The following GMPR variants were observed in gnomAD, a reference collection of about 807,000 sequenced individuals.
GMPR encodes the protein guanosine monophosphate reductase.
A neutral mutation model predicts 38.4 loss-of-function variants in GMPR; 31 were observed. The observed-to-expected ratio is 0.81, with a 90% CI of 0.61 to 1.09. The LOEUF (loss-of-function observed/expected upper bound fraction) is 1.09, where lower values mean the gene tolerates loss of function less well. Ranked by LOEUF, GMPR falls within the 50% of genes least tolerant of loss-of-function variation. The pLI is 0.00. For synonymous variants in GMPR, 162 were observed against 173.3 expected (o/e 0.93, Z 0.51); for missense variants, 468 against 453.7 (o/e 1.03, Z -0.29).
chr6:16,262,502 G>A (rs1392031214), intron 4 of GMPR: 4 of 152,024 alleles, frequency 2.6e-5, no homozygotes, highest in Admixed American at 6.6e-5. Context: ...TGGCTGCTGC[G>A]GTTCAGGCGT....
chr6:16,252,040 T>C (rs552321634), intron 3 of GMPR, among the ~76,000 whole-genome samples: 5 of 152,330 alleles, frequency 3.3e-5, no homozygotes, highest in African/African-American at 1.2e-4. Flanking sequence ...ACTGGCTTTT[T>C]GGGGTTGTCG....
At chr6:16,258,919 G>A (rs997792873) in intron 4 of GMPR, among the ~76,000 whole-genome samples, 26 of 152,310 alleles carry the variant, frequency 1.7e-4, no homozygotes, top group African/African-American at 6.3e-4. Flanking sequence ...AACGTTCCAG[G>A]AAGAAGCTGG....
At chr6:16,272,225 A>G (rs991145660) in intron 4 of GMPR, among the ~76,000 whole-genome samples, 8 of 151,936 alleles carry the variant, frequency 5.3e-5, no homozygotes, top group Admixed American at 3.9e-4. Flanking sequence ...AACAAAACAA[A>G]AAACAAAAAA....
At chr6:16,256,528 C>CAAAAA (rs1006257648) in intron 4 of GMPR, among the ~76,000 whole-genome samples, 1 of 33,934 alleles carries the variant, frequency 2.9e-5, no homozygotes, top group Non-Finnish European at 6.3e-5. Context: ...GACTCTGTCT[C>CAAAAA]AAAAAAAAAA....
At chr6:16,286,780 C>A (rs1031046510) in intron 7 of GMPR, among the ~76,000 whole-genome samples, 14 of 151,932 alleles carry the variant, frequency 9.2e-5, no homozygotes, top group African/African-American at 3.4e-4. Context: ...GTGGTGCACG[C>A]CTGTAATCCC....
chr6:16,273,371 C>T (rs186995925), intron 4 of GMPR, among the ~76,000 whole-genome samples: 1 of 152,308 alleles, frequency 6.6e-6, no homozygotes, highest in South Asian at 2.1e-4. Flanking sequence ...GCCAAGTATC[C>T]TATATACTGG....
intron 2 of GMPR, among the ~76,000 whole-genome samples, chr6:16,249,879 A>G (rs992717655): frequency 4.6e-5 from 7 of 152,132 alleles, no homozygotes; most frequent in Admixed American, 2.0e-4. Flanking sequence ...TCGGCTAAGC[A>G]GAAGTTTGTG....
At chr6:16,292,986 T>TG (rs1390782760) in intron 8 of GMPR, among the ~76,000 whole-genome samples, 1 of 152,082 alleles carries the variant, frequency 6.6e-6, no homozygotes, top group Non-Finnish European at 1.5e-5. Flanking sequence ...GCCTGAGCCT[T>TG]GCGGCTGCAC....
intron 4 of GMPR, among the ~76,000 whole-genome samples, chr6:16,267,712 G>A (rs1039710680): frequency 6.6e-6 from 1 of 152,212 alleles, no homozygotes; most frequent in African/African-American, 2.4e-5. Context: ...GGGACTTGGA[G>A]GTCCCTGTGT....
At chr6:16,274,357 T>C in intron 4 of GMPR, 58 bp from the exon 5 acceptor site, 1 of 1,088,138 alleles carries the variant, frequency 9.2e-7, no homozygotes, top group Non-Finnish European at 1.4e-6. Context: ...GTGGGGTTCC[T>C]CACCTTTATA....
chr6:16,289,071 G>A (rs1352540097), intron 7 of GMPR, among the ~76,000 whole-genome samples: 2 of 152,176 alleles, frequency 1.3e-5, no homozygotes, highest in South Asian at 2.1e-4. Flanking sequence ...TTGGGAGGGT[G>A]ATTTGTTGTT....
At chr6:16,256,173 A>G (rs1227624126) in intron 4 of GMPR, among the ~76,000 whole-genome samples, 1 of 150,048 alleles carries the variant, frequency 6.7e-6, no homozygotes, top group African/African-American at 2.5e-5. Flanking sequence ...CCGAGATCAC[A>G]CCACTGCACT....
chr6:16,250,233 G>A, intron 2 of GMPR, 51 bp from the exon 3 acceptor site: 1 of 929,520 alleles, frequency 1.1e-6, no homozygotes. Context: ...GGAGGAGGGA[G>A]GGGGGCTCTC....
At chr6:16,245,312 G>C (rs139929614) in intron 1 of GMPR, among the ~76,000 whole-genome samples, 2 of 152,262 alleles carry the variant, frequency 1.3e-5, no homozygotes, top group African/African-American at 2.4e-5. Flanking sequence ...ATTCACCCAG[G>C]ACGCCTTCTG....
intron 4 of GMPR, among the ~76,000 whole-genome samples, chr6:16,268,779 C>A (rs80269665): frequency 4.2e-4 from 64 of 152,084 alleles, no homozygotes; most frequent in African/African-American, 1.5e-3. Context: ...TAAAAAGTTC[C>A]AGAGATGGAT....
At chr6:16,244,849 G>GAGCTAGCT (rs1223745537) in intron 1 of GMPR, among the ~76,000 whole-genome samples, 1 of 152,170 alleles carries the variant, frequency 6.6e-6, no homozygotes, top group Non-Finnish European at 1.5e-5. Flanking sequence ...CGATGGCAAA[G>GAGCTAGCT]AGCTAGCTCA....
chr6:16,244,075 C>T (rs1758710411), intron 1 of GMPR, among the ~76,000 whole-genome samples: 1 of 149,956 alleles, frequency 6.7e-6, no homozygotes, highest in Non-Finnish European at 1.5e-5. Flanking sequence ...GTTCTGGTGC[C>T]TTTCTGGTTG....
At chr6:16,254,785 A>T (rs749060503) in intron 4 of GMPR, 50 bp downstream of exon 4, 4 of 1,359,942 alleles carry the variant, frequency 2.9e-6, no homozygotes, top group Admixed American at 1.7e-5. Flanking sequence ...TGGGGAAGCC[A>T]CGAGGGAGTT....
At position 16,238,602 on chromosome 6, in the gene GMPR, C is replaced by G. The variant is rs1758581439; in HGVS notation, c.-92C>G. 1 of 297,584 alleles carries G rather than the reference C, an allele frequency of 3.4e-6. No homozygotes were observed. Among genetic ancestry groups the G allele is most frequent in the Non-Finnish European group, 5.1e-6 (1 of 194,826 alleles). The allele number at this position is 297,584 out of a possible 1,614,324, so 18.4% of individuals were successfully genotyped here. On this transcript the variant is annotated 5_prime_UTR_variant, in exon 1 of 9. Transcript: ENST00000259727. ...CACCCGGCCCACGCCAGCTCCCGGC[C>G]GCGGCACAGCAGCCCCGGCGCTCCC...
Sources: allele counts gnomAD v4.1 joint callset (sites outside exome capture counted in the v4.1 genomes callset), GRCh38; gene constraint gnomAD v4.1.1; transcripts MANE v1.5; gene names NCBI Gene and HGNC (gene_info 2026-07-23, HGNC 2026-07-21).